FGD6: variants seen among roughly 807,000 people sequenced by gnomAD.
The protein encoded by FGD6 is FYVE, RhoGEF and PH domain-containing protein 6.
FGD6 carries 90 observed loss-of-function variants against 149.4 expected under a neutral mutation model. That is an observed-to-expected ratio of 0.60 (90% CI 0.51 to 0.72). The LOEUF is 0.72. Among genes scored for constraint, FGD6 ranks in the 30% least tolerant of loss-of-function variants. The probability of loss-of-function intolerance (pLI) is 0.00; values close to 1 mark genes in which losing one functional copy is unlikely to be tolerated. For synonymous variants in FGD6, 527 were observed against 584.0 expected (o/e 0.90, Z 1.41); for missense variants, 1,437 against 1,684.8 (o/e 0.85, Z 2.57).
intron 3 of FGD6, among the ~76,000 whole-genome samples, chr12:95,171,081 C>T (rs1378578576): frequency 6.6e-6 from 1 of 152,154 alleles, no homozygotes; most frequent in African/African-American, 2.4e-5. Flanking sequence ...ATTATTTAAT[C>T]TTCACAATTC....
chr12:95,135,163 T>C (rs1232739113), intron 7 of FGD6, among the ~76,000 whole-genome samples: 1 of 152,104 alleles, frequency 6.6e-6, no homozygotes, highest in Non-Finnish European at 1.5e-5. Context: ...CTTGTATTGA[T>C]AAATACAAAC....
rs1385895816 is a variant in FGD6, at chr12:95,138,255, A to ACTCC, written c.2838-581_2838-578dup. Among the ~76,000 whole-genome samples the ACTCC allele has an allele frequency of 2.8e-4, 41 of 145,398 alleles. 1 individual carries two copies. Among genetic ancestry groups the ACTCC allele is most frequent in the Admixed American group, 9.1e-4 (13 of 14,214 alleles). On this transcript the variant is annotated intron_variant, in intron 6 of 20. Coordinates refer to ENST00000343958, the MANE Select transcript of FGD6 (RefSeq NM_018351.4). ...AAATAAATAAATAAATAACTCACTC[A>ACTCC]CTCCTTGGATGGGCACGATGGCTCA... is the stretch of plus-strand genomic sequence containing the variant.
rs1878066058 is a variant in FGD6 at position 95,091,867 on chromosome 12, C to A, written c.3748-58G>T. The A allele has an allele frequency of 3.8e-6, 5 of 1,319,556 alleles. No individual in the cohort carries two copies. In the East Asian group the frequency reaches 1.2e-4, roughly 31 times the overall value. The allele number at this position is 1,319,556 out of a possible 1,614,324, so 81.7% of individuals were successfully genotyped here. ...CATTAGAATAACTTGTGTTTCTACA[C>A]CATAAAGTATGTTACAATTTACAGT... On this transcript the variant is annotated intron_variant, in intron 16 of 20. Transcript: ENST00000343958.
rs1203275925 is a variant in FGD6 at position 95,152,967 on chromosome 12, T to C, written c.2613A>G (p.Lys871=). The change falls in exon 4 of 21, where the codon AAA becomes AAG. Residue 871 remains lysine (K), a synonymous_variant. Coordinates refer to ENST00000343958, the MANE Select transcript of FGD6 (RefSeq NM_018351.4). ...TGATCTCCTTGGCAATATGATGAAC[T>C]TTACTTTTCATTCCATTATCTTCAT... is the stretch of plus-strand genomic sequence containing the variant. ...KQDEDNGMKS[K]VHHIAKEIMS... 18 of 1,613,896 alleles carry C rather than the reference T, an allele frequency of 1.1e-5. No homozygotes were observed. The highest frequency in any genetic ancestry group is 1.5e-5 in the Non-Finnish European group (18 of 1,179,944).
At chr12:95,122,570 C>T (rs549485234) in intron 8 of FGD6, among the ~76,000 whole-genome samples, 35 of 136,130 alleles carry the variant, frequency 2.6e-4, no homozygotes, top group Admixed American at 7.0e-4. Flanking sequence ...TGCTTGAATC[C>T]AGGAGGCAGA....
rs78052789 is a variant in FGD6 at position 95,146,251 on chromosome 12, T to A, written c.2686-4712A>T. On this transcript the variant is annotated intron_variant, in intron 5 of 20. Coordinates refer to ENST00000343958, the MANE Select transcript of FGD6 (RefSeq NM_018351.4). ...GAACCTCAGCCATTGTCAAAACTGG[T>A]GCCACTGGGAGGAGGTGACATCTTT... is the stretch of plus-strand genomic sequence containing the variant. Among the ~76,000 whole-genome samples the A allele has an allele frequency of 4.6e-3, 705 of 152,288 alleles. 7 individuals carry two copies. The highest frequency in any genetic ancestry group is 0.016 in the African/African-American group (667 of 41,558).
At chr12:95,187,975 T>A (rs141556625) in intron 2 of FGD6, among the ~76,000 whole-genome samples, 14 of 152,304 alleles carry the variant, frequency 9.2e-5, no homozygotes, top group African/African-American at 2.9e-4. Context: ...TTCCACTAGA[T>A]CTCAAAGTAC....
At chr12:95,164,313 C>T (rs951520472) in intron 3 of FGD6, among the ~76,000 whole-genome samples, 11 of 150,556 alleles carry the variant, frequency 7.3e-5, no homozygotes, top group Non-Finnish European at 1.6e-4. Context: ...ACGATCTCGG[C>T]TCACGGCAAG....
At position 95,210,076 on chromosome 12, in the gene FGD6, G is replaced by T. The variant is rs78481495; in HGVS notation, c.1208C>A (p.Ala403Asp). ...AAAGGAAGTTGTTTCATTACACATG[G>T]CTTTCTGTGAATTGACTAAGTCCTG... ...DAQDLVNSQKAMCNETTSFEK... is the reference protein window; with the variant it reads ...DAQDLVNSQKDMCNETTSFEK... The change falls in exon 2 of 21, where the codon GCC becomes GAC. Residue 403 changes from alanine to aspartate, a missense_variant. Transcript: ENST00000343958. 2 of 1,613,910 alleles carry T rather than the reference G, an allele frequency of 1.2e-6. No individual in the cohort carries two copies. The highest frequency in any genetic ancestry group is 2.7e-5 in the African/African-American group (2 of 74,902).
At chr12:95,191,923 A>G (rs944788518) in intron 2 of FGD6, among the ~76,000 whole-genome samples, 2 of 152,242 alleles carry the variant, frequency 1.3e-5, no homozygotes, top group East Asian at 1.9e-4. Context: ...TTTTTAGTAC[A>G]GATGGGGTTT....
Position 95,148,709 on chromosome 12 carries a change from CATAGCAT to C in FGD6, c.2685+4095_2685+4101del, listed in dbSNP as rs1565908267. On this transcript the variant is annotated intron_variant, in intron 5 of 20. Coordinates refer to ENST00000343958, the MANE Select transcript of FGD6 (RefSeq NM_018351.4). ...TATATATATTATATATTATATAATACATAGCATATGTTATATTACATATATTATATAT... is the reference window on the plus strand; with the variant it reads ...TATATATATTATATATTATATAATACATGTTATATTACATATATTATATAT... Among the ~76,000 whole-genome samples the C allele has an allele frequency of 8.1e-3, 820 of 101,610 alleles. 20 individuals are homozygous for C. Among genetic ancestry groups the C allele is most frequent in the African/African-American group, 0.016 (406 of 25,048 alleles). 66.7% of individuals were successfully genotyped at this position (101,610 alleles called of 152,430 possible).
rs571626620 is a variant in FGD6, at chr12:95,209,960, C to G, written c.1324G>C (p.Glu442Gln). Residue 442 changes from glutamate (E) to glutamine (Q), a missense_variant, in exon 2 of 21, where the codon GAA becomes CAA. Physicochemically the swap from Glu to Gln is conservative, Grantham distance 29. Transcript: ENST00000343958. ...GTACATCTTATAAAACCGGTCCCTTCGTCCACAGCAAGCGACATACTAGAA... is the reference window on the plus strand; with the variant it reads ...GTACATCTTATAAAACCGGTCCCTTGGTCCACAGCAAGCGACATACTAGAA... Reference protein sequence around the residue: ...DGSSMSLAVDEGTGFIRCTVS... With the variant: ...DGSSMSLAVDQGTGFIRCTVS... 1 of 1,611,816 alleles carries G rather than the reference C, an allele frequency of 6.2e-7. No individual in the cohort carries two copies. The highest frequency in any genetic ancestry group is 1.7e-5 in the Admixed American group (1 of 59,508).
chr12:95,204,277 G>A (rs1301662655), intron 2 of FGD6, among the ~76,000 whole-genome samples: 1 of 152,032 alleles, frequency 6.6e-6, no homozygotes, highest in Non-Finnish European at 1.5e-5. Context: ...TTGGCTGTTC[G>A]TCCTTTCTCC....
chr12:95,120,205 G>C (rs1239877934), intron 8 of FGD6, among the ~76,000 whole-genome samples: 1 of 151,412 alleles, frequency 6.6e-6, no homozygotes, highest in Non-Finnish European at 1.5e-5. Context: ...CTCCAGCCTG[G>C]GTGACAGAGT....
intron 3 of FGD6, among the ~76,000 whole-genome samples, chr12:95,155,870 C>T (rs769535429): frequency 6.6e-6 from 1 of 152,172 alleles, no homozygotes; most frequent in African/African-American, 2.4e-5. Context: ...GAAGATTTCA[C>T]GGACATTTAT....
At chr12:95,086,550 T>G (rs1292803495) in intron 18 of FGD6, among the ~76,000 whole-genome samples, 7 of 141,388 alleles carry the variant, frequency 5.0e-5, no homozygotes, top group African/African-American at 1.6e-4. Context: ...TTTTTTTTTT[T>G]TTTTTTTGAG....
intron 6 of FGD6, among the ~76,000 whole-genome samples, chr12:95,139,330 CTT>C (rs1879773901): frequency 6.6e-6 from 1 of 151,804 alleles, no homozygotes; most frequent in Non-Finnish European, 1.5e-5. Context: ...GTCCCAGCTA[CTT>C]GGGTGGGTGA....
intron 3 of FGD6, among the ~76,000 whole-genome samples, chr12:95,154,267 T>C (rs1263630371): frequency 6.6e-6 from 1 of 152,074 alleles, no homozygotes; most frequent in Non-Finnish European, 1.5e-5. Context: ...GCCATGAAAT[T>C]CTTTTATTAT....
chr12:95,096,568 C>T (rs1878238810), intron 14 of FGD6, among the ~76,000 whole-genome samples: 1 of 152,210 alleles, frequency 6.6e-6, no homozygotes, highest in Non-Finnish European at 1.5e-5. Flanking sequence ...GTTACTACGT[C>T]AGCCAACTCT....
Sources: gnomAD v4.1 joint callset for allele counts (sites outside exome capture counted in the v4.1 genomes callset) on GRCh38, gnomAD v4.1.1 for gene constraint, MANE v1.5 for transcripts, NCBI Gene and HGNC (gene_info 2026-07-23, HGNC 2026-07-21) for gene names.